The following NAA50 variants were observed in gnomAD, a reference collection of about 807,000 sequenced individuals.
NAA50 encodes N-alpha-acetyltransferase 50, NatE catalytic subunit.
NAA50 carries 7 observed loss-of-function variants against 20.7 expected under a neutral mutation model. The observed-to-expected ratio is 0.34, with a 90% CI of 0.19 to 0.63. The LOEUF is 0.63. Ranked by LOEUF, NAA50 falls within the 30% of genes least tolerant of loss-of-function variation. The pLI is 0.75. For missense variants in NAA50, 111 were observed against 199.1 expected (o/e 0.56, Z 2.66); for synonymous variants, 54 against 70.6 (o/e 0.77, Z 1.18).
intron 1 of NAA50, among the ~76,000 whole-genome samples, chr3:113,728,645 G>A (rs951285241): frequency 4.6e-5 from 7 of 152,164 alleles, no homozygotes; most frequent in East Asian, 1.9e-4. Flanking sequence ...TGACGGCCTC[G>A]TATATGGACG....
intron 1 of NAA50, among the ~76,000 whole-genome samples, chr3:113,736,566 A>G (rs1465506309): frequency 6.6e-6 from 1 of 152,238 alleles, no homozygotes; most frequent in East Asian, 1.9e-4. Context: ...GTCAGATATT[A>G]TGGACGCAAA....
chr3:113,723,006 C>G (rs766962539), intron 3 of NAA50, 34 bp from the exon 4 acceptor site: 17 of 1,490,196 alleles, frequency 1.1e-5, no homozygotes, highest in Non-Finnish European at 1.5e-5. Flanking sequence ...CACGTGACTT[C>G]ATAAATCAAC....
At chr3:113,726,716 C>T (rs562137593) in intron 1 of NAA50, among the ~76,000 whole-genome samples, 116 of 151,246 alleles carry the variant, frequency 7.7e-4, no homozygotes, top group Admixed American at 1.4e-3. Flanking sequence ...TGTACTCCAG[C>T]CTGGGCGAGA....
chr3:113,741,869 A>G (rs1393704242), intron 1 of NAA50, among the ~76,000 whole-genome samples: 1 of 152,252 alleles, frequency 6.6e-6, no homozygotes. Context: ...CATACTTTCT[A>G]AATTACACGA....
Position 113,717,477 on chromosome 3 carries a change from A to G in NAA50, c.*4283T>C, listed in dbSNP as rs914117842. On this transcript the variant is annotated 3_prime_UTR_variant, in exon 5 of 5. Transcript: ENST00000240922. Reference sequence around the variant, plus strand: ...ATGTTCTACCAAGTTAACAACACACATTAAGAAATCTGACTCAAGCTCTTT... The same window carrying G: ...ATGTTCTACCAAGTTAACAACACACGTTAAGAAATCTGACTCAAGCTCTTT... 1 of 152,228 alleles carries G rather than the reference A, an allele frequency of 6.6e-6. No individual in the cohort carries two copies. Among genetic ancestry groups the G allele is most frequent in the African/African-American group, 2.4e-5 (1 of 41,456 alleles). The allele number at this position is 152,228 out of a possible 1,614,324, so 9.4% of individuals were successfully genotyped here.
intron 1 of NAA50, among the ~76,000 whole-genome samples, chr3:113,745,100 T>A (rs1708472338): frequency 6.6e-6 from 1 of 152,296 alleles, no homozygotes; most frequent in Non-Finnish European, 1.5e-5. Flanking sequence ...GTTACGTAAT[T>A]AATACATTAA....
rs747943287 is a variant in NAA50, at chr3:113,723,544, G to A, written c.146-3C>T. ...TACAGCAATATCATTGAAATAGGCT[G>A]CCAAGGAAAACATAAAGATATAATG... On this transcript the variant is annotated splice_polypyrimidine_tract_variant and splice_region_variant and intron_variant, in intron 2 of 4. Transcript: ENST00000240922. 1.9e-6 allele frequency: 3 copies of A among 1,592,892 alleles called. No homozygotes were observed. The highest frequency in any genetic ancestry group is 2.3e-5 in the South Asian group (2 of 87,634).
chr3:113,745,849 G>GA, intron 1 of NAA50, 93 bp downstream of exon 1: 1 of 1,422,398 alleles, frequency 7.0e-7, no homozygotes, highest in Non-Finnish European at 9.5e-7. Context: ...TCTTCGCCCT[G>GA]AATCTCTCCT....
chr3:113,722,070 T>C, intron 4 of NAA50, 133 bp from the exon 5 acceptor site: 1 of 775,928 alleles, frequency 1.3e-6, no homozygotes, highest in Non-Finnish European at 2.0e-6. Context: ...GGGTTAGGCA[T>C]GCTTACCTAA....
At chr3:113,737,226 G>C (rs912787904) in intron 1 of NAA50, among the ~76,000 whole-genome samples, 1 of 152,192 alleles carries the variant, frequency 6.6e-6, no homozygotes, top group Non-Finnish European at 1.5e-5. Context: ...TGATAAAGGT[G>C]CATTTGCATA....
At chr3:113,740,051 G>C (rs1243296421) in intron 1 of NAA50, among the ~76,000 whole-genome samples, 1 of 151,606 alleles carries the variant, frequency 6.6e-6, no homozygotes, top group Admixed American at 6.6e-5. Context: ...ACATTTACAA[G>C]AGGGAGAAAT....
intron 1 of NAA50, among the ~76,000 whole-genome samples, chr3:113,738,024 G>A (rs1708368825): frequency 6.6e-6 from 1 of 152,142 alleles, no homozygotes; most frequent in South Asian, 2.1e-4. Flanking sequence ...GGGCAACATG[G>A]CAAAACCCTG....
intron 1 of NAA50, among the ~76,000 whole-genome samples, chr3:113,737,816 C>G (rs1259575038): frequency 6.6e-6 from 1 of 151,896 alleles, no homozygotes; most frequent in Non-Finnish European, 1.5e-5. Context: ...TTAGGACAAC[C>G]AAAAGTGTCT....
intron 1 of NAA50, chr3:113,741,052 TCTGAA>T: frequency 2.0e-6 from 1 of 494,234 alleles, no homozygotes; most frequent in South Asian, 1.7e-5. Context: ...TGTCTGAGAA[TCTGAA>T]CTGAACAAGC....
intron 1 of NAA50, among the ~76,000 whole-genome samples, chr3:113,740,544 C>T (rs1172230864): frequency 6.6e-6 from 1 of 152,036 alleles, no homozygotes; most frequent in African/African-American, 2.4e-5. Flanking sequence ...ATTATGATTA[C>T]TATTTTTTTG....
intron 1 of NAA50, 114 bp from the exon 2 acceptor site, chr3:113,724,209 G>T: frequency 8.6e-7 from 1 of 1,158,340 alleles, no homozygotes; most frequent in South Asian, 3.0e-5. Flanking sequence ...AACTCTTTCA[G>T]AGTTGATTTA....
intron 1 of NAA50, among the ~76,000 whole-genome samples, chr3:113,739,872 T>C (rs910814325): frequency 1.3e-5 from 2 of 152,194 alleles, no homozygotes; most frequent in Non-Finnish European, 2.9e-5. Flanking sequence ...CCAACAGATA[T>C]ACAAGTGACA....
chr3:113,738,870 T>C (rs777900359), intron 1 of NAA50, among the ~76,000 whole-genome samples: 6 of 152,184 alleles, frequency 3.9e-5, no homozygotes, highest in African/African-American at 2.4e-5. Flanking sequence ...TATCCTTGTT[T>C]ACCAAGTTTC....
intron 1 of NAA50, among the ~76,000 whole-genome samples, chr3:113,732,727 C>A (rs2107990418): frequency 6.6e-6 from 1 of 152,330 alleles, no homozygotes; most frequent in South Asian, 2.1e-4. Flanking sequence ...TAACTTAGCT[C>A]ACATGCTGAG....
Sources: gnomAD v4.1 joint callset for allele counts (sites outside exome capture counted in the v4.1 genomes callset) on GRCh38, gnomAD v4.1.1 for gene constraint, MANE v1.5 for transcripts, NCBI Gene and HGNC (gene_info 2026-07-23, HGNC 2026-07-21) for gene names.